The following PLXNA4 variants were observed in gnomAD, a reference collection of about 807,000 sequenced individuals.
The protein encoded by PLXNA4 is plexin-A4.
A neutral mutation model predicts 191.8 loss-of-function variants in PLXNA4; 44 were observed. The observed-to-expected ratio is 0.23, with a 90% CI of 0.18 to 0.29. The LOEUF (loss-of-function observed/expected upper bound fraction) is 0.29. Ranked by LOEUF, PLXNA4 falls within the 10% of genes least tolerant of loss-of-function variation. PLXNA4 has a pLI of 1.00. For missense variants in PLXNA4, 1,800 were observed against 2,488.8 expected (o/e 0.72, Z 5.89); for synonymous variants, 1,082 against 1,009.5 (o/e 1.07, Z -1.36).
At chr7:132,373,960 A>G (rs1417823168) in intron 3 of PLXNA4, among the ~76,000 whole-genome samples, 4 of 152,162 alleles carry the variant, frequency 2.6e-5, no homozygotes, top group African/African-American at 9.7e-5. Flanking sequence ...TTCCAACCTG[A>G]GGCTCAGGTG....
intron 3 of PLXNA4, among the ~76,000 whole-genome samples, chr7:132,451,865 G>T (rs571843112): frequency 3.3e-5 from 5 of 152,218 alleles, no homozygotes; most frequent in Admixed American, 6.5e-5. Flanking sequence ...GGTAGGCAGG[G>T]CCCTCCTGGC....
rs143878238 is a variant in PLXNA4, at chr7:132,338,078, G to T, written c.1372-39856C>A. Among the ~76,000 whole-genome samples, 127 of 152,256 alleles carry T rather than the reference G, an allele frequency of 8.3e-4. 2 individuals are homozygous for T. Among genetic ancestry groups the T allele is most frequent in the African/African-American group, 3.0e-3 (126 of 41,564 alleles). ...TCTCAACTTGGGCAAGGTCCTCTCT[G>T]AAATTCACTATGACTTTCATCCTCT... On this transcript the variant is annotated intron_variant, in intron 3 of 31. Coordinates refer to ENST00000321063, the MANE Select transcript of PLXNA4 (RefSeq NM_020911.2).
chr7:132,332,575 G>A (rs527350186), intron 3 of PLXNA4, among the ~76,000 whole-genome samples: 10 of 152,188 alleles, frequency 6.6e-5, no homozygotes, highest in South Asian at 4.2e-4. Flanking sequence ...TGGGCTGGGC[G>A]TGGTGGCTCA....
chr7:132,567,292 T>TC (rs1172897075), intron 1 of PLXNA4, among the ~76,000 whole-genome samples: 8 of 134,284 alleles, frequency 6.0e-5, no homozygotes, highest in East Asian at 2.5e-4. Flanking sequence ...CAGCTTGGTC[T>TC]CCCCCCCACC....
chr7:132,488,203 A>G (rs1797638263), intron 3 of PLXNA4, among the ~76,000 whole-genome samples: 1 of 152,192 alleles, frequency 6.6e-6, no homozygotes, highest in African/African-American at 2.4e-5. Context: ...TGTCCTCCAC[A>G]TGCTCCCATT....
At chr7:132,312,511 A>T (rs990999065) in intron 3 of PLXNA4, among the ~76,000 whole-genome samples, 2 of 152,204 alleles carry the variant, frequency 1.3e-5, no homozygotes, top group African/African-American at 2.4e-5. Context: ...TCAATATGTT[A>T]ATATAATATG....
chr7:132,229,256 G>C (rs1177682418), intron 5 of PLXNA4, among the ~76,000 whole-genome samples: 2 of 152,222 alleles, frequency 1.3e-5, no homozygotes, highest in African/African-American at 4.8e-5. Context: ...TTACTCTTCA[G>C]TGCTCTGTGC....
intron 4 of PLXNA4, among the ~76,000 whole-genome samples, chr7:132,251,647 A>G (rs1799257008): frequency 6.6e-6 from 1 of 152,152 alleles, no homozygotes; most frequent in African/African-American, 2.4e-5. Flanking sequence ...GGCTGTTCAA[A>G]CCACAAAAAA....
intron 3 of PLXNA4, among the ~76,000 whole-genome samples, chr7:132,311,188 G>GTGTGTGTGTGTGTGTGTGTGTT (rs1387461691): frequency 4.7e-4 from 64 of 136,532 alleles, no homozygotes; most frequent in African/African-American, 1.6e-3. Flanking sequence ...GTGTGTGTGT[G>GTGTGTGTGTGTGTGTGTGTGTT]TGTGTGCGCG....
chr7:132,255,320 G>A (rs1223703158), intron 4 of PLXNA4, among the ~76,000 whole-genome samples: 1 of 152,136 alleles, frequency 6.6e-6, no homozygotes, highest in Non-Finnish European at 1.5e-5. Context: ...GCTTGGTCAG[G>A]CGCACTCAAC....
At chr7:132,290,568 T>C (rs1033606993) in intron 4 of PLXNA4, among the ~76,000 whole-genome samples, 5 of 152,090 alleles carry the variant, frequency 3.3e-5, no homozygotes, top group African/African-American at 1.2e-4. Flanking sequence ...TTTTAGTAAA[T>C]ACACACCACA....
At chr7:132,185,485 C>T (rs1796848165) in intron 15 of PLXNA4, 22 bp from the exon 16 acceptor site, 2 of 1,601,182 alleles carry the variant, frequency 1.2e-6, no homozygotes, top group Non-Finnish European at 1.7e-6. Context: ...GAAGACAGAG[C>T]ACTGGGCGCC....
chr7:132,644,992 C>T (rs1476290072), intron 2 of PLXNA4, among the ~76,000 whole-genome samples: 2 of 152,168 alleles, frequency 1.3e-5, no homozygotes, highest in African/African-American at 2.4e-5. Flanking sequence ...TGTTTCCCCT[C>T]GGGTTAGGAC....
intron 2 of PLXNA4, among the ~76,000 whole-genome samples, chr7:132,489,792 T>TCCTCACGTGGAAAAG (rs571308810): frequency 3.3e-5 from 5 of 152,154 alleles, no homozygotes; most frequent in South Asian, 2.1e-4. Flanking sequence ...ATCATCATCA[T>TCCTCACGTGGAAAAG]CCTCACGTGG....
At chr7:132,432,323 C>T (rs1027135731) in intron 3 of PLXNA4, among the ~76,000 whole-genome samples, 1 of 152,182 alleles carries the variant, frequency 6.6e-6, no homozygotes, top group Non-Finnish European at 1.5e-5. Context: ...TCCAAGAAAG[C>T]AGGAATGGGG....
chr7:132,434,473 G>T (rs1417883187), intron 3 of PLXNA4, among the ~76,000 whole-genome samples: 2 of 152,220 alleles, frequency 1.3e-5, no homozygotes, highest in African/African-American at 4.8e-5. Context: ...AGACTTAGAA[G>T]TTCAGATTCC....
intron 3 of PLXNA4, among the ~76,000 whole-genome samples, chr7:132,482,388 T>C (rs1797374661): frequency 6.6e-6 from 1 of 152,178 alleles, no homozygotes; most frequent in African/African-American, 2.4e-5. Flanking sequence ...CATGGCAATG[T>C]AGGGATCTCT....
In PLXNA4 at chr7:132,124,927, G is replaced by A. The variant is rs1489942908; in HGVS notation, c.*5552C>T. The A allele has an allele frequency of 6.6e-6, 1 of 151,882 alleles. No individual in the cohort carries two copies. Among genetic ancestry groups the A allele is most frequent in the Non-Finnish European group, 1.5e-5 (1 of 67,992 alleles). 9.4% of individuals were successfully genotyped at this position (151,882 alleles called of 1,614,324 possible). ...CCAGTCTACTCAAGGAATTTAATCG[G>A]GATCCTAATGAGTATGTATTTCTCT... On this transcript the variant is annotated 3_prime_UTR_variant, in exon 32 of 32. Transcript: ENST00000321063.
At chr7:132,515,015 GC>G (rs1473341862) in intron 1 of PLXNA4, among the ~76,000 whole-genome samples, 1 of 152,170 alleles carries the variant, frequency 6.6e-6, no homozygotes, top group Non-Finnish European at 1.5e-5. Context: ...CAAAGCCTGA[GC>G]CACTCAGCAC....
Sources: allele counts gnomAD v4.1 joint callset (sites outside exome capture counted in the v4.1 genomes callset), GRCh38; gene constraint gnomAD v4.1.1; transcripts MANE v1.5; gene names NCBI Gene and HGNC (gene_info 2026-07-23, HGNC 2026-07-21).